CNTNAP2: variants seen among roughly 807,000 people sequenced by gnomAD.
The protein encoded by CNTNAP2 is contactin-associated protein-like 2.
In CNTNAP2, 98 loss-of-function variants were observed where a neutral mutation model predicts 155.2. The observed-to-expected ratio is 0.63, with a 90% confidence interval of 0.54 to 0.75. The LOEUF (loss-of-function observed/expected upper bound fraction) is 0.75. CNTNAP2 is among the 30% of genes least tolerant of loss of function. CNTNAP2 has a pLI of 0.00. For missense variants in CNTNAP2, 1,727 were observed against 1,688.1 expected, an observed-to-expected ratio of 1.02 and a Z score of -0.40; for synonymous variants, 651 against 631.2, an observed-to-expected ratio of 1.03 and a Z score of -0.47.
At chr7:146,248,020 C>G (rs1799691300) in intron 1 of CNTNAP2, among the ~76,000 whole-genome samples, 1 of 150,310 alleles carries the variant, frequency 6.7e-6, no homozygotes, top group Non-Finnish European at 1.5e-5. Flanking sequence ...GATCGGGGCA[C>G]AGAGATATAA....
rs56977512 is a variant in CNTNAP2 at position 147,629,406 on chromosome 7, AAATAATAATAATAAT to A, written c.1898-9671_1898-9657del. Among the ~76,000 whole-genome samples the A allele has an allele frequency of 3.8e-3, 537 of 140,944 alleles. 4 individuals are homozygous for A. The highest frequency in any genetic ancestry group is 7.8e-3 in the South Asian group (34 of 4,362). The allele number at this position is 140,944 out of a possible 152,430, so 92.5% of individuals were successfully genotyped here. On this transcript the variant is annotated intron_variant, in intron 12 of 23. Coordinates refer to ENST00000361727, the MANE Select transcript of CNTNAP2 (RefSeq NM_014141.6). ...CAACAAGAGCAAAACTCTGTCTCAA[AAATAATAATAATAAT>A]AATAATAATAATAATAATAATAATA... is the stretch of plus-strand genomic sequence containing the variant.
intron 11 of CNTNAP2, among the ~76,000 whole-genome samples, chr7:147,500,799 G>C (rs1157566038): frequency 1.3e-5 from 2 of 152,008 alleles, no homozygotes; most frequent in Non-Finnish European, 2.9e-5. Context: ...TTTTCATTTG[G>C]TAATGTTCCT....
At chr7:146,554,177 G>A (rs1215898909) in intron 1 of CNTNAP2, among the ~76,000 whole-genome samples, 2 of 152,118 alleles carry the variant, frequency 1.3e-5, no homozygotes, top group South Asian at 4.2e-4. Flanking sequence ...ATTTGAGGCC[G>A]CCTTCTGACC....
chr7:147,283,738 C>T (rs1805107848), intron 8 of CNTNAP2, among the ~76,000 whole-genome samples: 1 of 151,738 alleles, frequency 6.6e-6, no homozygotes, highest in African/African-American at 2.4e-5. Flanking sequence ...ATGCTTTTCC[C>T]AAAAATCTTA....
At chr7:146,191,609 A>C (rs757054615) in intron 1 of CNTNAP2, among the ~76,000 whole-genome samples, 1 of 152,112 alleles carries the variant, frequency 6.6e-6, no homozygotes, top group African/African-American at 2.4e-5. Flanking sequence ...CAACCGTATC[A>C]ACCGTATAAG....
chr7:147,794,535 G>C (rs754770818), intron 13 of CNTNAP2, among the ~76,000 whole-genome samples: 1 of 151,696 alleles, frequency 6.6e-6, no homozygotes. Flanking sequence ...TCCTGGGTTT[G>C]ATTTGCTAGC....
chr7:147,223,446 T>C (rs1336923364), intron 8 of CNTNAP2, among the ~76,000 whole-genome samples: 1 of 152,176 alleles, frequency 6.6e-6, no homozygotes, highest in Non-Finnish European at 1.5e-5. Context: ...GAATCTCATC[T>C]GCATGCAACT....
chr7:146,256,370 C>A (rs1799836844), intron 1 of CNTNAP2, among the ~76,000 whole-genome samples: 1 of 151,960 alleles, frequency 6.6e-6, no homozygotes, highest in African/African-American at 2.4e-5. Flanking sequence ...TTATTGATTT[C>A]TAAATTTATG....
At chr7:147,955,011 T>C (rs1423935923) in intron 14 of CNTNAP2, among the ~76,000 whole-genome samples, 1 of 152,216 alleles carries the variant, frequency 6.6e-6, no homozygotes, top group Non-Finnish European at 1.5e-5. Context: ...TGAATCCAGA[T>C]AGTGCAGCAA....
intron 11 of CNTNAP2, among the ~76,000 whole-genome samples, chr7:147,505,684 A>G (rs1273393898): frequency 6.6e-6 from 1 of 152,218 alleles, no homozygotes; most frequent in Non-Finnish European, 1.5e-5. Context: ...AATGCTATCG[A>G]TCACCAAACA....
rs56287346 is a variant in CNTNAP2, at chr7:146,322,634, C to CTTTTTTTTTTTTTTTTTTTTTTTTTTT, written c.97+205679_97+205680insTTTTTTTTTTTTTTTTTTTTTTTTTTT. ...AAGAGGAGACTGTTGTGTTCATTCT[C>CTTTTTTTTTTTTTTTTTTTTTTTTTTT]TTTTTTTTTTTTTTTTTTGCTGGCT... On this transcript the variant is annotated intron_variant, in intron 1 of 23. Transcript: ENST00000361727. 1.1e-4 allele frequency among the ~76,000 whole-genome samples: 7 copies of CTTTTTTTTTTTTTTTTTTTTTTTTTTT among 64,958 alleles called. 2 individuals are homozygous for CTTTTTTTTTTTTTTTTTTTTTTTTTTT. Among genetic ancestry groups the CTTTTTTTTTTTTTTTTTTTTTTTTTTT allele is most frequent in the African/African-American group, 2.2e-4 (4 of 18,022 alleles). 42.6% of individuals were successfully genotyped at this position (64,958 alleles called of 152,430 possible).
intron 13 of CNTNAP2, among the ~76,000 whole-genome samples, chr7:147,661,190 T>A (rs192284418): frequency 6.6e-6 from 1 of 152,340 alleles, no homozygotes; most frequent in East Asian, 1.9e-4. Context: ...CAGTGTTTTA[T>A]TTTGTCTCAA....
chr7:148,074,389 G>T (rs1324301377), intron 15 of CNTNAP2, among the ~76,000 whole-genome samples: 1 of 152,094 alleles, frequency 6.6e-6, no homozygotes, highest in Non-Finnish European at 1.5e-5. Context: ...ATACATAGTT[G>T]ATATTAAATT....
At chr7:148,119,864 G>A (rs375902157) in intron 16 of CNTNAP2, among the ~76,000 whole-genome samples, 2 of 151,952 alleles carry the variant, frequency 1.3e-5, no homozygotes, top group African/African-American at 4.8e-5. Context: ...TCTGATCTGA[G>A]CCAGGTCTGA....
chr7:148,328,488 TAGA>T (rs879455480), intron 21 of CNTNAP2, among the ~76,000 whole-genome samples: 31,134 of 120,308 alleles, frequency 0.26, 3,740 homozygotes, highest in Middle Eastern at 0.35. Flanking sequence ...TGTCTGTCTG[TAGA>T]TTCCATCTCT....
chr7:147,592,163 G>A (rs1455095571), intron 12 of CNTNAP2, among the ~76,000 whole-genome samples: 6 of 152,244 alleles, frequency 3.9e-5, no homozygotes, highest in Admixed American at 3.3e-4. Flanking sequence ...GCCTAGCAAA[G>A]GGCTGCTCCT....
In CNTNAP2 at chr7:148,416,934, C is replaced by A. The variant is rs745339580; in HGVS notation, c.*1318C>A. ...GACCCAGTTATTTAACAAATAAATA[C>A]CTCATTGATTATATTTAAAAGTAAT... is the stretch of plus-strand genomic sequence containing the variant. On this transcript the variant is annotated 3_prime_UTR_variant, in exon 24 of 24. Coordinates refer to ENST00000361727, the MANE Select transcript of CNTNAP2 (RefSeq NM_014141.6). 1.3e-5 allele frequency: 2 copies of A among 152,286 alleles called. No homozygotes were observed. The highest frequency in any genetic ancestry group is 4.8e-5 in the African/African-American group (2 of 41,434). The allele number at this position is 152,286 out of a possible 1,614,324, so 9.4% of individuals were successfully genotyped here. A position where few individuals can be genotyped will look rare whatever the true frequency, so the allele number is the denominator to read the frequency against.
intron 10 of CNTNAP2, among the ~76,000 whole-genome samples, chr7:147,477,274 A>G (rs1304497114): frequency 6.6e-6 from 1 of 152,176 alleles, no homozygotes. Flanking sequence ...TCAGGTTTGA[A>G]ACTTCCTTGT....
At chr7:147,087,973 C>T (rs9640233) in intron 4 of CNTNAP2, among the ~76,000 whole-genome samples, 108,201 of 151,480 alleles carry the variant, frequency 0.71, 38,642 homozygotes, top group African/African-American at 0.75. Flanking sequence ...CCAGACTCCA[C>T]CTCAAAAACA....
Sources: allele counts gnomAD v4.1 joint callset (sites outside exome capture counted in the v4.1 genomes callset), GRCh38; gene constraint gnomAD v4.1.1; transcripts MANE v1.5; gene names NCBI Gene and HGNC (gene_info 2026-07-23, HGNC 2026-07-21).